The following RBPJ variants were observed in gnomAD, a reference collection of about 807,000 sequenced individuals.
RBPJ encodes the protein recombining binding protein suppressor of hairless.
RBPJ carries 9 observed loss-of-function variants against 67.8 expected under a neutral mutation model. The observed-to-expected ratio is 0.13, with a 90% CI of 0.08 to 0.23. The LOEUF is 0.23. Among genes scored for constraint, RBPJ ranks in the 10% least tolerant of loss-of-function variants. The probability of loss-of-function intolerance (pLI) is 1.00; values close to 1 mark genes in which losing one functional copy is unlikely to be tolerated. For missense variants in RBPJ, 305 were observed against 595.6 expected (o/e 0.51, Z 5.08); for synonymous variants, 198 against 203.3 (o/e 0.97, Z 0.22).
chr4:26,213,369 GAA>G (rs934426325), intron 1 of RBPJ, among the ~76,000 whole-genome samples: 1 of 152,112 alleles, frequency 6.6e-6, no homozygotes, highest in Admixed American at 6.6e-5. Context: ...CAAGGGCAGA[GAA>G]AAAAACTGTT....
chr4:26,394,801 A>G (rs1053179147), intron 2 of RBPJ, among the ~76,000 whole-genome samples: 11 of 152,184 alleles, frequency 7.2e-5, no homozygotes, highest in Non-Finnish European at 1.5e-4. Context: ...AAAGAACGTA[A>G]TCTTAACCTT....
chr4:26,414,313 G>C (rs1244357068), intron 3 of RBPJ, among the ~76,000 whole-genome samples: 2 of 152,020 alleles, frequency 1.3e-5, no homozygotes, highest in East Asian at 3.9e-4. Flanking sequence ...GGGACTATAG[G>C]CGCCTGCCAC....
chr4:26,341,921 G>A (rs192215298), intron 1 of RBPJ, among the ~76,000 whole-genome samples: 1 of 152,346 alleles, frequency 6.6e-6, no homozygotes, highest in Non-Finnish European at 1.5e-5. Context: ...AGAAAGTGTA[G>A]CTGGCTAGTC....
intron 1 of RBPJ, among the ~76,000 whole-genome samples, chr4:26,345,728 C>CTGCT (rs1726059771): frequency 6.6e-6 from 1 of 152,172 alleles, no homozygotes; most frequent in African/African-American, 2.4e-5. Flanking sequence ...GCTGCTACTT[C>CTGCT]TGCTTTTTAA....
the RBPJ span, among the ~76,000 whole-genome samples, chr4:26,123,134 G>A: frequency 2.6e-5 from 4 of 152,126 alleles, no homozygotes; most frequent in African/African-American, 9.7e-5. Flanking sequence ...ATATACTAGT[G>A]TACAAACCTA....
At chr4:26,233,928 C>T (rs950082068) in intron 1 of RBPJ, among the ~76,000 whole-genome samples, 1 of 152,028 alleles carries the variant, frequency 6.6e-6, no homozygotes, top group Non-Finnish European at 1.5e-5. Flanking sequence ...CTAGCTTAGG[C>T]AGGAAACCAT....
chr4:26,148,606 A>C, the RBPJ span, among the ~76,000 whole-genome samples: 3 of 152,166 alleles, frequency 2.0e-5, no homozygotes, highest in Admixed American at 6.5e-5. Flanking sequence ...TTTAAAGGAA[A>C]AGGACATGGT....
At chr4:26,121,667 A>C in the RBPJ span, among the ~76,000 whole-genome samples, 1 of 152,140 alleles carries the variant, frequency 6.6e-6, no homozygotes, top group Non-Finnish European at 1.5e-5. Context: ...TCATAGTCTT[A>C]ACCAAAATGG....
At chr4:26,165,108 C>G (rs536104606) in intron 1 of RBPJ, among the ~76,000 whole-genome samples, 1 of 151,990 alleles carries the variant, frequency 6.6e-6, no homozygotes, top group East Asian at 1.9e-4. Context: ...GGGCACTGCT[C>G]TTTATTATGC....
chr4:26,159,878 A>AAG (rs761085849), upstream of RBPJ, among the ~76,000 whole-genome samples: 7 of 151,452 alleles, frequency 4.6e-5, no homozygotes, highest in African/African-American at 7.3e-5. Flanking sequence ...AGGAAGCTGG[A>AAG]AGAGAGAGAG....
chr4:26,427,831 T>C (rs1735831382), intron 7 of RBPJ, among the ~76,000 whole-genome samples: 1 of 152,164 alleles, frequency 6.6e-6, no homozygotes, highest in Non-Finnish European at 1.5e-5. Context: ...TATGTTTGTA[T>C]GTTGTTGGAA....
At chr4:26,143,787 G>A in the RBPJ span, among the ~76,000 whole-genome samples, 155 of 152,234 alleles carry the variant, frequency 1.0e-3, no homozygotes, top group Non-Finnish European at 1.7e-3. Context: ...AATTAGCCGG[G>A]CATGGTGACA....
At chr4:26,192,525 T>C (rs1194046859) in intron 1 of RBPJ, among the ~76,000 whole-genome samples, 1 of 152,216 alleles carries the variant, frequency 6.6e-6, no homozygotes, top group Non-Finnish European at 1.5e-5. Flanking sequence ...GGCCAGTATC[T>C]AATGAGCACT....
At chr4:26,185,387 C>A (rs569752846) in intron 1 of RBPJ, among the ~76,000 whole-genome samples, 15 of 152,250 alleles carry the variant, frequency 9.9e-5, no homozygotes, top group South Asian at 8.3e-4. Context: ...TGGTTTCTCT[C>A]CTCAACACCA....
chr4:26,217,286 A>G (rs1718753144), intron 1 of RBPJ, among the ~76,000 whole-genome samples: 1 of 152,194 alleles, frequency 6.6e-6, no homozygotes, highest in Admixed American at 6.5e-5. Flanking sequence ...ATGATTTTTT[A>G]GGAGGATAAA....
chr4:26,167,596 T>C (rs1036534488), intron 1 of RBPJ, among the ~76,000 whole-genome samples: 133 of 141,730 alleles, frequency 9.4e-4, no homozygotes, highest in Non-Finnish European at 1.5e-3. Context: ...AAGTTGCTTA[T>C]CAGCTTAAGG....
At position 26,407,893 on chromosome 4, in the gene RBPJ, T is replaced by G. The variant is rs1004783543; in HGVS notation, c.155+1623T>G. On this transcript the variant is annotated intron_variant, in intron 3 of 10. Coordinates refer to ENST00000355476, the MANE Select transcript of RBPJ (RefSeq NM_015874.6). ...GGTAAAGCTTTCTTTCTTTTTTTTT[T>G]TTTTTTTTTTTTTTTTTTTGAGACA... Among the ~76,000 whole-genome samples the G allele has an allele frequency of 3.8e-4, 49 of 129,880 alleles. No individual in the cohort carries two copies. In the South Asian group the frequency reaches 0.012, roughly 32 times the overall value. The allele number at this position is 129,880 out of a possible 152,430, so 85.2% of individuals were successfully genotyped here.
intron 1 of RBPJ, among the ~76,000 whole-genome samples, chr4:26,194,715 T>C (rs1356511336): frequency 1.3e-5 from 2 of 152,202 alleles, no homozygotes; most frequent in East Asian, 3.8e-4. Flanking sequence ...GACCCGTGTG[T>C]CTCCACTAGA....
intron 1 of RBPJ, among the ~76,000 whole-genome samples, chr4:26,354,664 G>A (rs1727173840): frequency 6.6e-6 from 1 of 151,868 alleles, no homozygotes; most frequent in Non-Finnish European, 1.5e-5. Context: ...TGGCCAGGCT[G>A]GTCATGAACT....
Sources: gnomAD v4.1 joint callset for allele counts (sites outside exome capture counted in the v4.1 genomes callset) on GRCh38, gnomAD v4.1.1 for gene constraint, MANE v1.5 for transcripts, NCBI Gene and HGNC (gene_info 2026-07-23, HGNC 2026-07-21) for gene names.